NECTIN2: variants seen among roughly 807,000 people sequenced by gnomAD.
The protein encoded by NECTIN2 is nectin-2.
In NECTIN2, 23 loss-of-function variants were observed where a neutral mutation model predicts 56.9. That is an observed-to-expected ratio of 0.40 (90% CI 0.29 to 0.57). The LOEUF (loss-of-function observed/expected upper bound fraction) is 0.57. NECTIN2 is among the 20% of genes least tolerant of loss of function. The pLI, the probability that NECTIN2 is intolerant of heterozygous loss-of-function variation, is 0.38. For synonymous variants in NECTIN2, 302 were observed against 313.8 expected (o/e 0.96, Z 0.40); for missense variants, 587 against 718.3 (o/e 0.82, Z 2.09).
At chr19:44,879,528 C>T (rs533561343) in intron 5 of NECTIN2, among the ~76,000 whole-genome samples, 1 of 152,152 alleles carries the variant, frequency 6.6e-6, no homozygotes, top group East Asian at 1.9e-4. Flanking sequence ...TGGCTCCCCT[C>T]CTTCTCCATC....
chr19:44,880,605 A>G lies in NECTIN2; in HGVS notation c.1043-1606A>G, dbSNP rs1023813814. 4.2e-5 allele frequency among the ~76,000 whole-genome samples: 6 copies of G among 141,402 alleles called. No individual in the cohort carries two copies. In the Admixed American group the frequency reaches 4.6e-4, roughly 11 times the overall value. 92.8% of individuals were successfully genotyped at this position (141,402 alleles called of 152,430 possible). A position where few individuals can be genotyped will look rare whatever the true frequency, so the allele number is the denominator to read the frequency against. On this transcript the variant is annotated intron_variant, in intron 5 of 8. Coordinates refer to ENST00000252483, the MANE Select transcript of NECTIN2 (RefSeq NM_001042724.2). Reference sequence around the variant, plus strand: ...CAAGTTCAAGCAATTCTCCTGTCTCAGCCTCTTGAGTAACGCACCCAGCCT... The same window carrying G: ...CAAGTTCAAGCAATTCTCCTGTCTCGGCCTCTTGAGTAACGCACCCAGCCT...
chr19:44,876,853 T>C (rs982023536), intron 5 of NECTIN2, among the ~76,000 whole-genome samples: 3 of 152,148 alleles, frequency 2.0e-5, no homozygotes, highest in Non-Finnish European at 4.4e-5. Context: ...AGTGCTGGGA[T>C]TACAGGTATG....
chr19:44,850,416 A>C (rs960161717), intron 1 of NECTIN2, among the ~76,000 whole-genome samples: 2 of 152,088 alleles, frequency 1.3e-5, no homozygotes, highest in Non-Finnish European at 2.9e-5. Flanking sequence ...AGGTCCAGGC[A>C]GGTGTATCAC....
intron 1 of NECTIN2, among the ~76,000 whole-genome samples, chr19:44,849,487 A>G (rs1319801659): frequency 6.7e-6 from 1 of 150,162 alleles, no homozygotes; most frequent in Non-Finnish European, 1.5e-5. Context: ...AGCTGGGCAC[A>G]TGGGCCAGCT....
At chr19:44,878,557 C>T (rs771804477) in intron 5 of NECTIN2, 185 of 1,613,694 alleles carry the variant, frequency 1.1e-4, no homozygotes, top group East Asian at 2.2e-5. Context: ...CCCCAGCACT[C>T]GAGGATGACA....
At chr19:44,871,755 C>A in intron 2 of NECTIN2, 98 bp from the exon 3 acceptor site, 1 of 1,339,014 alleles carries the variant, frequency 7.5e-7, no homozygotes, top group South Asian at 1.4e-5. Context: ...GGGATTGGAA[C>A]CCCGGCAGTT....
chr19:44,870,700 G>A (rs1010632508), intron 2 of NECTIN2, among the ~76,000 whole-genome samples: 1 of 150,748 alleles, frequency 6.6e-6, no homozygotes. Context: ...TCAGTTACTC[G>A]CTCGGCCTTG....
Position 44,858,822 on chromosome 19 carries a change from T to C in NECTIN2, c.89-6449T>C, listed in dbSNP as rs192981296. ...CACACCCAGATAATTTTTCTATTTT[T>C]AGTAGAGATGGGGTTTTGCCATGTT... On this transcript the variant is annotated intron_variant, in intron 1 of 8. Coordinates refer to ENST00000252483, the MANE Select transcript of NECTIN2 (RefSeq NM_001042724.2). Among the ~76,000 whole-genome samples the C allele has an allele frequency of 1.3e-3, 203 of 151,478 alleles. 1 individual carries two copies. The highest frequency in any genetic ancestry group is 3.4e-3 in the Middle Eastern group (1 of 292).
At chr19:44,885,379 T>C (rs999686486) in intron 6 of NECTIN2, among the ~76,000 whole-genome samples, 1 of 149,652 alleles carries the variant, frequency 6.7e-6, no homozygotes, top group African/African-American at 2.5e-5. Context: ...TGGAGTGATC[T>C]CATCTCACTG....
chr19:44,872,851 TTA>T (rs1969193392), intron 3 of NECTIN2, among the ~76,000 whole-genome samples: 1 of 147,736 alleles, frequency 6.8e-6, no homozygotes, highest in Non-Finnish European at 1.5e-5. Flanking sequence ...AATATATAAA[TTA>T]TATATTATAT....
Position 44,887,469 on chromosome 19 carries a change from C to A in NECTIN2, c.1348-641C>A, listed in dbSNP as rs1048298914. On this transcript the variant is annotated intron_variant, in intron 8 of 8. Transcript: ENST00000252483. ...GACCAGCCTGGCCAACATGGTGAAA[C>A]CCTGTCTCTACTAAAAATTACAAAA... 5.9e-5 allele frequency among the ~76,000 whole-genome samples: 9 copies of A among 151,888 alleles called. 1 individual carries two copies. In the South Asian group the frequency reaches 1.9e-3, roughly 32 times the overall value.
chr19:44,846,416 C>G lies in NECTIN2; in HGVS notation c.-110C>G, dbSNP rs974277106. The G allele has an allele frequency of 1.6e-5, 21 of 1,312,996 alleles. No individual in the cohort carries two copies. The highest frequency in any genetic ancestry group is 3.8e-5 in the Admixed American group (1 of 26,168). The allele number at this position is 1,312,996 out of a possible 1,614,324, so 81.3% of individuals were successfully genotyped here. ...GGCTAGAGCGCAGCGGGAACCGGCCCGGAGCCGGAGCCGGAGCCCCACAGG... is the reference window on the plus strand; with the variant it reads ...GGCTAGAGCGCAGCGGGAACCGGCCGGGAGCCGGAGCCGGAGCCCCACAGG... On this transcript the variant is annotated 5_prime_UTR_variant, in exon 1 of 9. Transcript: ENST00000252483.
At chr19:44,882,490 G>T (rs780340067) in intron 6 of NECTIN2, 126 bp downstream of exon 6, 9 of 935,002 alleles carry the variant, frequency 9.6e-6, no homozygotes, top group Non-Finnish European at 1.3e-5. Flanking sequence ...TAAAGGAACT[G>T]GGGTCTAAAT....
chr19:44,883,135 T>C (rs1969326690), intron 6 of NECTIN2, among the ~76,000 whole-genome samples: 2 of 152,160 alleles, frequency 1.3e-5, no homozygotes, highest in South Asian at 4.1e-4. Flanking sequence ...AGAATTTACA[T>C]TAAAATAACG....
At chr19:44,870,805 C>T (rs1185975589) in intron 2 of NECTIN2, among the ~76,000 whole-genome samples, 1 of 151,192 alleles carries the variant, frequency 6.6e-6, no homozygotes, top group Non-Finnish European at 1.5e-5. Flanking sequence ...TCTCGGCTCA[C>T]TACAACCTCT....
At chr19:44,882,688 TACAAAAAAA>T (rs1969320823) in intron 6 of NECTIN2, among the ~76,000 whole-genome samples, 1 of 31,008 alleles carries the variant, frequency 3.2e-5, no homozygotes, top group African/African-American at 1.2e-4. Context: ...TACCCCCATC[TACAAAAAAA>T]AAAAAAAAAA....
chr19:44,854,719 A>G (rs1401369055), intron 1 of NECTIN2, among the ~76,000 whole-genome samples: 1 of 152,114 alleles, frequency 6.6e-6, no homozygotes, highest in African/African-American at 2.4e-5. Flanking sequence ...AGGCTGAGAC[A>G]GGAGAATCAC....
At chr19:44,849,175 CAG>C (rs1367799947) in intron 1 of NECTIN2, among the ~76,000 whole-genome samples, 4 of 151,760 alleles carry the variant, frequency 2.6e-5, no homozygotes, top group South Asian at 2.1e-4. Context: ...GGAATGGAAT[CAG>C]AGGATAGAAG....
chr19:44,874,340 A>G lies in NECTIN2; in HGVS notation c.904A>G (p.Thr302Ala), dbSNP rs746185511. Reference sequence around the variant, plus strand: ...CCCACACCCCTCCAGGACCTCAGGCACCTTCCCGACCTCCGCAGTGGCCCA... The same window carrying G: ...CCCACACCCCTCCAGGACCTCAGGCGCCTTCCCGACCTCCGCAGTGGCCCA... ...TGYDWSTTSGTFPTSAVAQGS... is the reference protein window; with the variant it reads ...TGYDWSTTSGAFPTSAVAQGS... The change falls in exon 5 of 9, where the codon ACC (threonine) becomes GCC (alanine). Residue 302 changes from threonine (T) to alanine (A), a missense_variant. Coordinates refer to ENST00000252483, the MANE Select transcript of NECTIN2 (RefSeq NM_001042724.2). The surrounding 1 kb of genome is among the most constrained non-coding windows in gnomAD (Gnocchi z 6.3). 1.5e-5 allele frequency: 25 copies of G among 1,613,862 alleles called. No individual in the cohort carries two copies. In the Admixed American group the frequency reaches 2.3e-4, roughly 15 times the overall value.
Sources: gnomAD v4.1 joint callset for allele counts (sites outside exome capture counted in the v4.1 genomes callset) on GRCh38, gnomAD v4.1.1 for gene constraint, Gnocchi (gnomAD v3.1) non-coding constraint, MANE v1.5 for transcripts, NCBI Gene and HGNC (gene_info 2026-07-23, HGNC 2026-07-21) for gene names.